AUTS2: variants seen among roughly 807,000 people sequenced by gnomAD.
AUTS2 encodes the protein autism susceptibility gene 2 protein.
AUTS2 carries 17 observed loss-of-function variants against 112.4 expected under a neutral mutation model. The ratio of observed to expected loss-of-function variants is 0.15; its 90% CI spans 0.10 to 0.23. The LOEUF (loss-of-function observed/expected upper bound fraction) is 0.23. AUTS2 is among the 10% of genes least tolerant of loss of function. AUTS2 has a pLI of 1.00. For synonymous variants in AUTS2, 751 were observed against 702.7 expected, an observed-to-expected ratio of 1.07 and a Z score of -1.09; for missense variants, 1,510 against 1,701.6, an observed-to-expected ratio of 0.89 and a Z score of 1.98.
At chr7:70,187,637 C>T (rs1233084085) in intron 4 of AUTS2, among the ~76,000 whole-genome samples, 2 of 152,096 alleles carry the variant, frequency 1.3e-5, no homozygotes, top group Non-Finnish European at 2.9e-5. Flanking sequence ...ATTATAATCA[C>T]GTGAACTTAT....
At chr7:69,697,164 A>G (rs1042877916) in intron 1 of AUTS2, among the ~76,000 whole-genome samples, 2 of 152,220 alleles carry the variant, frequency 1.3e-5, no homozygotes, top group East Asian at 1.9e-4. Context: ...TAAAATTTGC[A>G]TTTCTCATGT....
At position 70,043,621 on chromosome 7, in the gene AUTS2, T is replaced by C. The variant is rs557777772; in HGVS notation, c.523-74511T>C. Among the ~76,000 whole-genome samples the C allele has an allele frequency of 1.8e-3, 223 of 121,926 alleles. 1 individual carries two copies. Among genetic ancestry groups the C allele is most frequent in the African/African-American group, 6.3e-3 (217 of 34,262 alleles). The allele number at this position is 121,926 out of a possible 152,430, so 80.0% of individuals were successfully genotyped here. ...CCTTCCTTCCTTTTTTTTTTTTTTT[T>C]ATTTTTGGTCAGTGTTTCACTCTTG... On this transcript the variant is annotated intron_variant, in intron 2 of 18. Transcript: ENST00000342771.
At chr7:70,785,665 G>A (rs572528317) in intron 16 of AUTS2, among the ~76,000 whole-genome samples, 1 of 152,288 alleles carries the variant, frequency 6.6e-6, no homozygotes, top group Non-Finnish European at 1.5e-5. Flanking sequence ...GAGACTGGGC[G>A]GGAAGGCAAG....
intron 4 of AUTS2, among the ~76,000 whole-genome samples, chr7:70,177,573 A>G (rs1274875204): frequency 6.6e-6 from 1 of 152,224 alleles, no homozygotes; most frequent in Non-Finnish European, 1.5e-5. Flanking sequence ...TAGGGAATCT[A>G]GTCTCAGAAA....
intron 2 of AUTS2, among the ~76,000 whole-genome samples, chr7:69,961,837 A>G (rs1011584100): frequency 2.6e-5 from 4 of 152,138 alleles, no homozygotes; most frequent in Non-Finnish European, 4.4e-5. Context: ...TAAGCAGGTG[A>G]ACCTTTTTGA....
intron 4 of AUTS2, among the ~76,000 whole-genome samples, chr7:70,297,666 C>G (rs1358227162): frequency 6.6e-6 from 1 of 151,954 alleles, no homozygotes; most frequent in Non-Finnish European, 1.5e-5. Flanking sequence ...GATCTCCTGA[C>G]CTCGTGATCC....
chr7:70,660,054 G>A (rs1348134346), intron 5 of AUTS2, among the ~76,000 whole-genome samples: 1 of 152,114 alleles, frequency 6.6e-6, no homozygotes, highest in African/African-American at 2.4e-5. Context: ...ATGCATGCCT[G>A]TAGTCCCAGC....
At chr7:69,800,320 A>G (rs1192098916) in intron 1 of AUTS2, among the ~76,000 whole-genome samples, 2 of 152,246 alleles carry the variant, frequency 1.3e-5, no homozygotes, top group African/African-American at 4.8e-5. Context: ...AAATCAAGGC[A>G]GAATGACTAG....
chr7:70,018,941 A>G (rs986669956), intron 2 of AUTS2, among the ~76,000 whole-genome samples: 3 of 152,198 alleles, frequency 2.0e-5, no homozygotes, highest in African/African-American at 4.8e-5. Flanking sequence ...AAATTGTTCT[A>G]TCATAAAGAT....
chr7:69,782,640 T>A (rs1789191778), intron 1 of AUTS2, among the ~76,000 whole-genome samples: 1 of 152,104 alleles, frequency 6.6e-6, no homozygotes, highest in Non-Finnish European at 1.5e-5. Flanking sequence ...ATTTTCTTCT[T>A]GATTTTAAGA....
intron 2 of AUTS2, among the ~76,000 whole-genome samples, chr7:70,058,928 A>G (rs1403243006): frequency 1.3e-5 from 2 of 152,090 alleles, no homozygotes; most frequent in South Asian, 2.1e-4. Context: ...TACCCCCACC[A>G]TACCCCTCAC....
chr7:70,379,329 C>A (rs1216970191), intron 4 of AUTS2, among the ~76,000 whole-genome samples: 1 of 152,026 alleles, frequency 6.6e-6, no homozygotes, highest in Admixed American at 6.6e-5. Flanking sequence ...GGTGAAACCC[C>A]TTCTCTATTA....
chr7:70,675,604 AG>A (rs1186699283), intron 5 of AUTS2, among the ~76,000 whole-genome samples: 1 of 152,188 alleles, frequency 6.6e-6, no homozygotes, highest in African/African-American at 2.4e-5. Context: ...AAATTCAGAC[AG>A]GGCCAAGCAG....
At chr7:70,332,088 T>G (rs1294611460) in intron 4 of AUTS2, among the ~76,000 whole-genome samples, 2 of 152,202 alleles carry the variant, frequency 1.3e-5, no homozygotes, top group Non-Finnish European at 2.9e-5. Context: ...AAAATCTCCT[T>G]AAGCAGATAA....
At chr7:69,644,827 C>G (rs1794951964) in intron 1 of AUTS2, among the ~76,000 whole-genome samples, 1 of 152,114 alleles carries the variant, frequency 6.6e-6, no homozygotes, top group Non-Finnish European at 1.5e-5. Context: ...TTAAAAATCT[C>G]TTGAGTAAGA....
At chr7:70,704,228 A>G (rs1206113205) in intron 6 of AUTS2, among the ~76,000 whole-genome samples, 2 of 152,226 alleles carry the variant, frequency 1.3e-5, no homozygotes, top group African/African-American at 2.4e-5. Context: ...ATCCTGGGAT[A>G]CTGGATCCCA....
chr7:70,107,335 C>CT (rs35066322), intron 2 of AUTS2, among the ~76,000 whole-genome samples: 7,302 of 96,930 alleles, frequency 0.075, 718 homozygotes, highest in African/African-American at 0.11. Context: ...AGATGAGAAG[C>CT]TTTTTTTTTT....
intron 1 of AUTS2, among the ~76,000 whole-genome samples, chr7:69,675,753 T>C (rs1796535307): frequency 6.6e-6 from 1 of 152,028 alleles, no homozygotes; most frequent in South Asian, 2.1e-4. Context: ...GTGGTCCTCC[T>C]GTCTTGGCCT....
At chr7:70,573,567 A>T (rs1243791248) in intron 5 of AUTS2, among the ~76,000 whole-genome samples, 2 of 152,200 alleles carry the variant, frequency 1.3e-5, no homozygotes, top group Non-Finnish European at 2.9e-5. Context: ...TGTGTCATGA[A>T]ACTCAGAAGG....
Sources: gnomAD v4.1 joint callset for allele counts (sites outside exome capture counted in the v4.1 genomes callset) on GRCh38, gnomAD v4.1.1 for gene constraint, MANE v1.5 for transcripts, NCBI Gene and HGNC (gene_info 2026-07-23, HGNC 2026-07-21) for gene names.